The following CCKAR variants were observed in gnomAD, a reference collection of about 807,000 sequenced individuals.
The protein encoded by CCKAR is cholecystokinin receptor type A.
CCKAR carries 21 observed loss-of-function variants against 29.8 expected under a neutral mutation model. The ratio of observed to expected loss-of-function variants is 0.70; its 90% confidence interval spans 0.50 to 1.01. The LOEUF is 1.01. Ranked by LOEUF, CCKAR falls within the 50% of genes least tolerant of loss-of-function variation. The pLI is 0.00. For missense variants in CCKAR, 570 were observed against 560.6 expected, an observed-to-expected ratio of 1.02 and a Z score of -0.17; for synonymous variants, 238 against 221.3, an observed-to-expected ratio of 1.08 and a Z score of -0.67.
Position 26,485,860 on chromosome 4 carries a change from T to G in CCKAR, c.403A>C (p.Ile135Leu). Reference sequence around the variant, plus strand: ...ATCGCACCATATCTCTCTAGAGATATGGCTACCAGATTAAAGGTAGATACA... The same window carrying G: ...ATCGCACCATATCTCTCTAGAGATAGGGCTACCAGATTAAAGGTAGATACA... ...VSVSTFNLVA[I>L]SLERYGAICK... Residue 135 changes from isoleucine (I) to leucine (L), a missense_variant, in exon 3 of 5, where the codon ATA becomes CTA. By Grantham distance (5) the Ile-to-Leu change is conservative. Coordinates refer to ENST00000295589, the MANE Select transcript of CCKAR (RefSeq NM_000730.3). The G allele has an allele frequency of 6.2e-7, 1 of 1,613,854 alleles. No homozygotes were observed. The highest frequency in any genetic ancestry group is 8.5e-7 in the Non-Finnish European group (1 of 1,179,890).
intron 1 of CCKAR, among the ~76,000 whole-genome samples, chr4:26,489,923 T>C (rs1432862673): frequency 6.6e-6 from 1 of 152,074 alleles, no homozygotes; most frequent in Non-Finnish European, 1.5e-5. Flanking sequence ...CCTCCCCTGC[T>C]TTTGTTCCCC....
At chr4:26,482,387 C>T (rs1226670056) in intron 4 of CCKAR, among the ~76,000 whole-genome samples, 1 of 152,120 alleles carries the variant, frequency 6.6e-6, no homozygotes, top group African/African-American at 2.4e-5. Flanking sequence ...ATAATAAAAA[C>T]AACATCTTAT....
At position 26,482,060 on chromosome 4, in the gene CCKAR, T is replaced by C. The variant is rs201411428; in HGVS notation, c.865A>G (p.Ser289Gly). The C allele has an allele frequency of 3.5e-5, 56 of 1,614,244 alleles. No individual in the cohort carries two copies. Among genetic ancestry groups the C allele is most frequent in the Non-Finnish European group, 4.7e-5 (55 of 1,180,042 alleles). Residue 289 changes from serine (S) to glycine (G), a missense_variant, in exon 5 of 5, where the codon AGC (serine) becomes GGC (glycine). Physicochemically the swap from Ser to Gly is moderately conservative, Grantham distance 56. Transcript: ENST00000295589. The part of the protein sequence containing the change: ...KLELRQLSTG[S>G]SSRANRIRSN... The stretch of plus-strand genomic sequence containing the variant: ...CGGATGCGGTTGGCCCTGCTGCTGC[T>C]GCCGGTGGACAGCTGCCGGAGCTCC...
At position 26,485,719 on chromosome 4, in the gene CCKAR, A is replaced by T. The variant is rs1421296897; in HGVS notation, c.544T>A (p.Leu182Met). The T allele has an allele frequency of 6.2e-7, 1 of 1,614,058 alleles. No individual in the cohort carries two copies. Among genetic ancestry groups the T allele is most frequent in the East Asian group, 2.2e-5 (1 of 44,894 alleles). ...IMTPYPIYSNLVPFTKNNNQT... is the reference protein window; with the variant it reads ...IMTPYPIYSNMVPFTKNNNQT... Reference sequence around the variant, plus strand: ...TTGTTATTTTTGGTAAAAGGCACCAAGTTGCTATAAATGGGGTACGGAGTC... The same window carrying T: ...TTGTTATTTTTGGTAAAAGGCACCATGTTGCTATAAATGGGGTACGGAGTC... Residue 182 changes from leucine to methionine, a missense_variant, in exon 3 of 5, where the codon TTG becomes ATG. Coordinates refer to ENST00000295589, the MANE Select transcript of CCKAR (RefSeq NM_000730.3).
rs1737486297 is a variant in CCKAR at position 26,488,257 on chromosome 4, A to G, written c.364+976T>C. On this transcript the variant is annotated intron_variant, in intron 2 of 4. Coordinates refer to ENST00000295589, the MANE Select transcript of CCKAR (RefSeq NM_000730.3). ...TGTTTTTTTGTTCAACTTTAAGAGA[A>G]CCACAGCAGTTGGCAAACTGAGGTA... Among the ~76,000 whole-genome samples the G allele has an allele frequency of 2.0e-5, 3 of 152,172 alleles. No individual in the cohort carries two copies. In the South Asian group the frequency reaches 6.2e-4, roughly 31 times the overall value.
chr4:26,487,321 T>C (rs1343138750), intron 2 of CCKAR, among the ~76,000 whole-genome samples: 1 of 152,184 alleles, frequency 6.6e-6, no homozygotes, highest in Non-Finnish European at 1.5e-5. Context: ...AAAAAGTCTA[T>C]GACCCCCAAA....
intron 2 of CCKAR, among the ~76,000 whole-genome samples, chr4:26,487,866 T>C (rs1737478981): frequency 6.6e-6 from 1 of 152,160 alleles, no homozygotes; most frequent in African/African-American, 2.4e-5. Context: ...CAGTGCTAGT[T>C]ATTATTATTG....
chr4:26,483,007 G>C, intron 4 of CCKAR, 149 bp downstream of exon 4: 1 of 741,438 alleles, frequency 1.3e-6, no homozygotes, highest in South Asian at 2.2e-5. Flanking sequence ...TACTGGGCCC[G>C]TGACTGTGCT....
chr4:26,481,803 G>T lies in CCKAR; in HGVS notation c.1122C>A (p.Asn374Lys). 3 of 1,613,920 alleles carry T rather than the reference G, an allele frequency of 1.9e-6. No homozygotes were observed. In the African/African-American group the frequency reaches 4.0e-5, roughly 22 times the overall value. The change falls in exon 5 of 5, where the codon AAC becomes AAA. Residue 374 changes from asparagine (N) to lysine (K), a missense_variant. Physicochemically the swap from Asn to Lys is moderately conservative, Grantham distance 94 (BLOSUM62 0). Transcript: ENST00000295589. The stretch of plus-strand genomic sequence containing the variant: ...CCATGAAGCCGAGGCGGAAGCGTTT[G>T]TTCATGAAGCAGTAGATGATGGGGT... ...CVNPIIYCFM[N>K]KRFRLGFMAT...
At chr4:26,484,197 T>C (rs934969568) in intron 3 of CCKAR, among the ~76,000 whole-genome samples, 13 of 152,222 alleles carry the variant, frequency 8.5e-5, no homozygotes, top group Admixed American at 2.0e-4. Flanking sequence ...GGCCATAAAA[T>C]TGTCAGAGGC....
chr4:26,489,632 C>A (rs557764541), intron 1 of CCKAR, 148 bp from the exon 2 acceptor site: 7 of 845,076 alleles, frequency 8.3e-6, no homozygotes, highest in South Asian at 7.3e-5. Flanking sequence ...CAACATTTTG[C>A]GGAAACAAAT....
intron 2 of CCKAR, among the ~76,000 whole-genome samples, chr4:26,486,978 A>G (rs1737464254): frequency 6.6e-6 from 1 of 152,220 alleles, no homozygotes; most frequent in Non-Finnish European, 1.5e-5. Context: ...AAAAATTAAA[A>G]TAAAAAATGA....
chr4:26,484,345 G>A (rs1270821179), intron 3 of CCKAR, among the ~76,000 whole-genome samples: 2 of 152,108 alleles, frequency 1.3e-5, no homozygotes, highest in African/African-American at 4.8e-5. Flanking sequence ...AAGGAGGAAA[G>A]CAAAAAAAGC....
Position 26,489,467 on chromosome 4 carries a change from G to A in CCKAR, c.130C>T (p.Gln44Ter). The A allele has an allele frequency of 6.2e-7, 1 of 1,613,796 alleles. No individual in the cohort carries two copies. The highest frequency in any genetic ancestry group is 1.7e-5 in the Admixed American group (1 of 60,008). The stretch of plus-strand genomic sequence containing the variant: ...AATATCAAGGAGTACAAGAGAATCT[G>A]CACCGCTGGCTGCCACTCTGCAGAG... ...RPSKEWQPAV[Q>*]ILLYSLIFLL... is the part of the protein sequence containing the mutation. The change falls in exon 2 of 5, where the codon CAG becomes TAG. Residue 44 changes from glutamine to a stop codon, truncating the protein, a stop_gained. Coordinates refer to ENST00000295589, the MANE Select transcript of CCKAR (RefSeq NM_000730.3). LOFTEE classifies it high-confidence loss of function.
At position 26,490,322 on chromosome 4, in the gene CCKAR, G is replaced by A; in HGVS notation, c.-55C>T. The A allele has an allele frequency of 8.5e-7, 1 of 1,176,572 alleles. No homozygotes were observed. The highest frequency in any genetic ancestry group is 2.1e-4 in the Middle Eastern group (1 of 4,838). 72.9% of individuals were successfully genotyped at this position (1,176,572 alleles called of 1,614,324 possible). A position where few individuals can be genotyped will look rare whatever the true frequency, so the allele number is the denominator to read the frequency against. ...GAGAGCTGGTGAATTGCTCACTCCC[G>A]GCTCATTCCTCTAATGACCGAAGCG... On this transcript the variant is annotated 5_prime_UTR_variant, in exon 1 of 5. Transcript: ENST00000295589.
Position 26,481,841 on chromosome 4 carries a change from A to T in CCKAR, c.1084T>A (p.Ser362Thr), listed in dbSNP as rs747224459. 2 of 1,613,638 alleles carry T rather than the reference A, an allele frequency of 1.2e-6. No homozygotes were observed. The highest frequency in any genetic ancestry group is 1.3e-5 in the African/African-American group (1 of 74,920). ...TAGATGATGGGGTTGACGCAGGAGGAGGTGTAGGACAGGAGGAGGATGAAG... is the reference window on the plus strand; with the variant it reads ...TAGATGATGGGGTTGACGCAGGAGGTGGTGTAGGACAGGAGGAGGATGAAG... ...ISFILLLSYT[S>T]SCVNPIIYCF... The change falls in exon 5 of 5, where the codon TCC becomes ACC. Residue 362 changes from serine to threonine, a missense_variant. Coordinates refer to ENST00000295589, the MANE Select transcript of CCKAR (RefSeq NM_000730.3).
chr4:26,490,315 C>T lies in CCKAR; in HGVS notation c.-48G>A. 1 of 1,255,070 alleles carries T rather than the reference C, an allele frequency of 8.0e-7. No homozygotes were observed. The highest frequency in any genetic ancestry group is 1.2e-6 in the Non-Finnish European group (1 of 856,098). 77.7% of individuals were successfully genotyped at this position (1,255,070 alleles called of 1,614,324 possible). A position where few individuals can be genotyped will look rare whatever the true frequency, so the allele number is the denominator to read the frequency against. On this transcript the variant is annotated 5_prime_UTR_variant, in exon 1 of 5. It removes the in-frame stop codon of an upstream open reading frame in the 5' UTR. Coordinates refer to ENST00000295589, the MANE Select transcript of CCKAR (RefSeq NM_000730.3). ...AGTGCTGGAGAGCTGGTGAATTGCT[C>T]ACTCCCGGCTCATTCCTCTAATGAC... is the stretch of plus-strand genomic sequence containing the variant.
chr4:26,489,909 TTTTCCTCCCCTGC>T (rs1737525152), intron 1 of CCKAR, among the ~76,000 whole-genome samples: 1 of 152,114 alleles, frequency 6.6e-6, no homozygotes, highest in Non-Finnish European at 1.5e-5. Context: ...TTCACTCAGC[TTTTCCTCCCCTGC>T]TTTTGTTCCC....
chr4:26,481,735 C>T lies in CCKAR; in HGVS notation c.1190G>A (p.Arg397Lys). Residue 397 changes from arginine to lysine, a missense_variant, in exon 5 of 5, where the codon AGG becomes AAG. Physicochemically the swap from Arg to Lys is conservative, Grantham distance 26. Transcript: ENST00000295589. The stretch of plus-strand genomic sequence containing the variant: ...TTCCTCCTCCTCCCCCACCTCTCCC[C>T]TCGCCCCTGGGGGACCAGGATTGGG... ...CCPNPGPPGA[R>K]GEVGEEEEGG... 1 of 1,614,228 alleles carries T rather than the reference C, an allele frequency of 6.2e-7. No homozygotes were observed. Among genetic ancestry groups the T allele is most frequent in the Non-Finnish European group, 8.5e-7 (1 of 1,180,030 alleles).
Sources: gnomAD v4.1 joint callset for allele counts (sites outside exome capture counted in the v4.1 genomes callset) on GRCh38, gnomAD v4.1.1 for gene constraint, MANE v1.5 for transcripts, NCBI Gene and HGNC (gene_info 2026-07-23, HGNC 2026-07-21) for gene names.